The following NCOR1 variants were observed in gnomAD, a reference collection of about 807,000 sequenced individuals.
NCOR1 encodes the protein protein phosphatase 1, regulatory subunit 109.
A neutral mutation model predicts 288.1 loss-of-function variants in NCOR1; 63 were observed. The ratio of observed to expected loss-of-function variants is 0.22; its 90% CI spans 0.18 to 0.27. The LOEUF is 0.27. NCOR1 is among the 10% of genes least tolerant of loss of function. The pLI is 1.00. For missense variants in NCOR1, 2,397 were observed against 3,019.2 expected (o/e 0.79, Z 4.83); for synonymous variants, 1,007 against 1,065.9 (o/e 0.94, Z 1.08).
chr17:16,070,195 C>T lies in NCOR1; in HGVS notation c.4483G>A (p.Gly1495Ser), dbSNP rs540029346. The T allele has an allele frequency of 1.8e-5, 29 of 1,613,220 alleles. No homozygotes were observed. Among genetic ancestry groups the T allele is most frequent in the Non-Finnish European group, 2.4e-5 (28 of 1,179,886 alleles). ...PVSYQNTMSR[G>S]SPMMNRTSDV... is the part of the protein sequence containing the mutation. ...GAAGTTCTGTTCATCATGGGTGAGCCTCTGGACATGGTGTTTTGATAACTC... is the reference window on the plus strand; with the variant it reads ...GAAGTTCTGTTCATCATGGGTGAGCTTCTGGACATGGTGTTTTGATAACTC... The change falls in exon 31 of 46, where the codon GGC becomes AGC. Residue 1495 changes from glycine (G) to serine (S), a missense_variant. Gly to Ser is a moderately conservative substitution (Grantham distance 56). Coordinates refer to ENST00000268712, the MANE Select transcript of NCOR1 (RefSeq NM_006311.4).
At chr17:16,118,154 TATC>T (rs1395024419) in intron 17 of NCOR1, 127 bp from the exon 18 acceptor site, 15 of 895,172 alleles carry the variant, frequency 1.7e-5, no homozygotes, top group Middle Eastern at 2.3e-4. Context: ...TTCAATTACT[TATC>T]ATATATACTT....
At position 16,064,161 on chromosome 17, in the gene NCOR1, C is replaced by T. The variant is rs754949393; in HGVS notation, c.5128G>A (p.Ala1710Thr). ...PGHPTHLAAAASAERERERER... is the reference protein window; with the variant it reads ...PGHPTHLAAATSAERERERER... ...CGTTCCCGTTCCCTCTCAGCACTTG[C>T]AGCAGCTGCAAGGTGTGTTGGGTGT... Residue 1710 changes from alanine to threonine, a missense_variant, in exon 35 of 46, where the codon GCA (alanine) becomes ACA (threonine). Ala to Thr is a moderately conservative substitution (Grantham distance 58). Around this residue, in one of 11 missense-constraint regions of NCOR1, gnomAD observed 1,872 missense variants for 2,187.8 expected, o/e 0.86. Transcript: ENST00000268712. 63 of 1,613,996 alleles carry T rather than the reference C, an allele frequency of 3.9e-5. No homozygotes were observed. The highest frequency in any genetic ancestry group is 5.3e-5 in the Non-Finnish European group (62 of 1,179,988).
At chr17:16,192,666 T>G (rs1260260267) in intron 2 of NCOR1, among the ~76,000 whole-genome samples, 1 of 151,928 alleles carries the variant, frequency 6.6e-6, no homozygotes, top group Non-Finnish European at 1.5e-5. Context: ...AAAAAAAAAG[T>G]ATATCGGACT....
At position 16,070,147 on chromosome 17, in the gene NCOR1, G is replaced by A. The variant is rs2061585268; in HGVS notation, c.4513+18C>T. On this transcript the variant is annotated intron_variant, in intron 31 of 45. Transcript: ENST00000268712. ...AATGCAATAAAAAGTATCAGACCAA[G>A]CAACAAAAGTAACATACCATCAGAA... is the stretch of plus-strand genomic sequence containing the variant. 2 of 1,553,438 alleles carry A rather than the reference G, an allele frequency of 1.3e-6. No individual in the cohort carries two copies. Among genetic ancestry groups the A allele is most frequent in the Non-Finnish European group, 1.7e-6 (2 of 1,153,776 alleles).
chr17:16,048,193 C>A (rs556275727), intron 41 of NCOR1, among the ~76,000 whole-genome samples: 1 of 152,116 alleles, frequency 6.6e-6, no homozygotes, highest in Non-Finnish European at 1.5e-5. Flanking sequence ...GCAAACTGCA[C>A]GACTATGGAC....
chr17:16,143,591 A>G lies in NCOR1; in HGVS notation c.1173+15T>C, dbSNP rs762240548. The G allele has an allele frequency of 1.3e-5, 21 of 1,595,550 alleles. No individual in the cohort carries two copies. Among genetic ancestry groups the G allele is most frequent in the Non-Finnish European group, 3.4e-6 (4 of 1,164,136 alleles). On this transcript the variant is annotated intron_variant, in intron 11 of 45. Coordinates refer to ENST00000268712, the MANE Select transcript of NCOR1 (RefSeq NM_006311.4). The stretch of plus-strand genomic sequence containing the variant: ...ATAATTAACGAATTAACTTGAATTA[A>G]ATTTATTTTCTTACCTCCTGCTCAG...
intron 11 of NCOR1, 124 bp downstream of exon 11, chr17:16,143,482 G>A (rs2077430458): frequency 1.5e-6 from 1 of 667,020 alleles, no homozygotes; most frequent in Non-Finnish European, 2.5e-6. Context: ...TCAAATCTTT[G>A]ACAGTCTAAA....
chr17:16,055,166 AT>A (rs2059773813), intron 40 of NCOR1, among the ~76,000 whole-genome samples: 1 of 152,206 alleles, frequency 6.6e-6, no homozygotes, highest in South Asian at 2.1e-4. Flanking sequence ...CAACAATCCC[AT>A]TACTGGGTAT....
intron 5 of NCOR1, among the ~76,000 whole-genome samples, chr17:16,160,661 G>A (rs948963422): frequency 2.9e-4 from 44 of 152,098 alleles, no homozygotes; most frequent in African/African-American, 9.9e-4. Flanking sequence ...GTGTAGTGGC[G>A]CAAGCCTGTA....
intron 42 of NCOR1, chr17:16,041,111 T>C (rs1344458810): frequency 6.6e-6 from 1 of 152,268 alleles, no homozygotes; most frequent in Non-Finnish European, 1.5e-5. Context: ...AATGACTGTG[T>C]TTCCCTGCAT....
intron 4 of NCOR1, among the ~76,000 whole-genome samples, chr17:16,168,313 G>A (rs1051244038): frequency 6.6e-6 from 1 of 152,062 alleles, no homozygotes; most frequent in African/African-American, 2.4e-5. Flanking sequence ...CGATTCTCTT[G>A]CCTCAGCCTC....
At chr17:16,169,723 A>AT (rs2082752510) in intron 4 of NCOR1, among the ~76,000 whole-genome samples, 1 of 152,224 alleles carries the variant, frequency 6.6e-6, no homozygotes, top group African/African-American at 2.4e-5. Flanking sequence ...AACACGTCCC[A>AT]TTTTAATGAA....
At position 16,055,228 on chromosome 17, in the gene NCOR1, T is replaced by G. The variant is rs1001537326; in HGVS notation, c.6392+2286A>C. On this transcript the variant is annotated intron_variant, in intron 40 of 45. Coordinates refer to ENST00000268712, the MANE Select transcript of NCOR1 (RefSeq NM_006311.4). ...TATTATAAAGACACATGCACATGTA[T>G]GTTCACTGTAGCACTATTGACAACA... Among the ~76,000 whole-genome samples, 4 of 152,358 alleles carry G rather than the reference T, an allele frequency of 2.6e-5. No individual in the cohort carries two copies. In the East Asian group the frequency reaches 7.7e-4, roughly 29 times the overall value.
chr17:16,047,147 C>G (rs1317651711), intron 41 of NCOR1, 54 bp from the exon 42 acceptor site: 20 of 1,516,154 alleles, frequency 1.3e-5, no homozygotes, highest in Non-Finnish European at 1.6e-5. Flanking sequence ...ATCCTGGGGA[C>G]ATTCCTATCA....
At chr17:16,093,957 G>C (rs2065869902) in intron 21 of NCOR1, among the ~76,000 whole-genome samples, 1 of 151,930 alleles carries the variant, frequency 6.6e-6, no homozygotes, top group African/African-American at 2.4e-5. Context: ...ACCCAGGCTA[G>C]AGTGCAGTGG....
chr17:16,075,866 T>A (rs1048260769), intron 26 of NCOR1, among the ~76,000 whole-genome samples, 164 bp from the exon 27 acceptor site: 1 of 152,240 alleles, frequency 6.6e-6, no homozygotes, highest in Non-Finnish European at 1.5e-5. Flanking sequence ...TTTATCAACA[T>A]GAAGACATCC....
chr17:16,145,188 C>T (rs1052928122), intron 10 of NCOR1, among the ~76,000 whole-genome samples: 4 of 152,224 alleles, frequency 2.6e-5, no homozygotes, highest in East Asian at 1.9e-4. Context: ...GACGGAGTCT[C>T]GCTCACTCAG....
At chr17:16,113,343 C>G (rs1372541792) in intron 18 of NCOR1, among the ~76,000 whole-genome samples, 1 of 151,692 alleles carries the variant, frequency 6.6e-6, no homozygotes, top group East Asian at 1.9e-4. Context: ...CAGCACAATT[C>G]TCAAGGTGCT....
At chr17:16,170,107 C>G (rs867934418) in intron 4 of NCOR1, among the ~76,000 whole-genome samples, 4 of 147,578 alleles carry the variant, frequency 2.7e-5, no homozygotes, top group African/African-American at 1.0e-4. Context: ...TATTTGCTTT[C>G]TGTGTGTGTG....
Sources: gnomAD v4.1 joint callset for allele counts (sites outside exome capture counted in the v4.1 genomes callset) on GRCh38, gnomAD v4.1.1 for gene constraint, gnomAD v4.1.1 regional missense constraint, MANE v1.5 for transcripts, NCBI Gene and HGNC (gene_info 2026-07-23, HGNC 2026-07-21) for gene names.